INTS6: variants seen among roughly 807,000 people sequenced by gnomAD.
INTS6 encodes DEAD box protein.
INTS6 carries 16 observed loss-of-function variants against 104.9 expected under a neutral mutation model. That is an observed-to-expected ratio of 0.15 (90% confidence interval 0.10 to 0.23). The LOEUF is 0.23. Ranked by LOEUF, INTS6 falls within the 10% of genes least tolerant of loss-of-function variation. INTS6 has a pLI of 1.00. For synonymous variants in INTS6, 324 were observed against 358.7 expected (o/e 0.90, Z 1.09); for missense variants, 584 against 1,062.8 (o/e 0.55, Z 6.26).
intron 4 of INTS6, among the ~76,000 whole-genome samples, chr13:51,428,135 A>G (rs1014347991): frequency 4.6e-5 from 7 of 152,192 alleles, no homozygotes; most frequent in Admixed American, 3.3e-4. Context: ...CACCTCGCAC[A>G]TAAGAATACT....
At chr13:51,414,572 A>G (rs1380554478) in intron 4 of INTS6, among the ~76,000 whole-genome samples, 1 of 152,176 alleles carries the variant, frequency 6.6e-6, no homozygotes, top group Non-Finnish European at 1.5e-5. Flanking sequence ...GTCCAACTCT[A>G]GTCCCAATTA....
intron 9 of INTS6, 31 bp downstream of exon 9, chr13:51,383,298 A>C: frequency 1.3e-6 from 2 of 1,571,180 alleles, no homozygotes; most frequent in Non-Finnish European, 8.6e-7. Context: ...TTATATGCTA[A>C]GCCAAGGAGA....
the INTS6 span, chr13:51,347,327 C>G: frequency 9.1e-7 from 1 of 1,100,010 alleles, no homozygotes; most frequent in Admixed American, 2.0e-5. Context: ...CCTAAGGGAT[C>G]GGGATGTGTT....
chr13:51,449,509 T>C, intron 3 of INTS6: 1 of 985,264 alleles, frequency 1.0e-6, no homozygotes, highest in South Asian at 4.7e-5. Flanking sequence ...TAATAGGTAA[T>C]AGGAGGTGAA....
rs1315807835 is a variant in INTS6, at chr13:51,363,163, T to C, written c.*2589A>G. 6.6e-6 allele frequency: 1 copy of C among 151,940 alleles called. No individual in the cohort carries two copies. The highest frequency in any genetic ancestry group is 1.5e-5 in the Non-Finnish European group (1 of 67,888). 9.4% of individuals were successfully genotyped at this position (151,940 alleles called of 1,614,324 possible). On this transcript the variant is annotated 3_prime_UTR_variant, in exon 18 of 18. Transcript: ENST00000311234. ...TTGATAGGTAAAAGAGAGATTCTGA[T>C]TTTGGAATTCAAGTGCATAAAAATG...
chr13:51,344,358 GCCAC>G, the INTS6 span: 1 of 1,613,700 alleles, frequency 6.2e-7, no homozygotes, highest in Non-Finnish European at 8.5e-7. Context: ...AAGTGGGAAC[GCCAC>G]TGTCCCCCTG....
intron 3 of INTS6, chr13:51,439,709 T>C (rs1284868182): frequency 6.6e-6 from 1 of 152,160 alleles, no homozygotes; most frequent in Non-Finnish European, 1.5e-5. Context: ...CTCAAAGAAG[T>C]TTAAAACCTT....
intron 4 of INTS6, among the ~76,000 whole-genome samples, chr13:51,412,550 A>G (rs1956707118): frequency 6.6e-6 from 1 of 152,174 alleles, no homozygotes; most frequent in African/African-American, 2.4e-5. Flanking sequence ...GAGGCTCACA[A>G]GCGCACACGT....
At chr13:51,424,199 G>A (rs1956946138) in intron 4 of INTS6, among the ~76,000 whole-genome samples, 1 of 151,910 alleles carries the variant, frequency 6.6e-6, no homozygotes, top group Admixed American at 6.6e-5. Context: ...GGGTGAAATT[G>A]CTTCACCCTC....
At chr13:51,381,687 T>A (rs963312133) in intron 10 of INTS6, among the ~76,000 whole-genome samples, 2 of 142,570 alleles carry the variant, frequency 1.4e-5, no homozygotes, top group Non-Finnish European at 3.0e-5. Flanking sequence ...CATAATATAA[T>A]TAACAAGTTT....
At chr13:51,434,244 T>C (rs1412855007) in intron 3 of INTS6, among the ~76,000 whole-genome samples, 1 of 152,208 alleles carries the variant, frequency 6.6e-6, no homozygotes, top group Non-Finnish European at 1.5e-5. Context: ...ATTAATTTCT[T>C]GATGTATAAA....
chr13:51,441,582 G>GA (rs1952797493), intron 3 of INTS6: 1 of 151,970 alleles, frequency 6.6e-6, no homozygotes, highest in Non-Finnish European at 1.5e-5. Flanking sequence ...AACTCTCCAG[G>GA]AAAAAAGTTA....
At chr13:51,344,687 C>T in the INTS6 span, among the ~76,000 whole-genome samples, 1 of 151,956 alleles carries the variant, frequency 6.6e-6, no homozygotes, top group Non-Finnish European at 1.5e-5. Flanking sequence ...CCCTCTCCCA[C>T]ACAAATATAC....
Position 51,369,221 on chromosome 13 carries a change from T to C in INTS6, c.2194A>G (p.Met732Val), listed in dbSNP as rs374309163. Residue 732 changes from methionine to valine, a missense_variant, in exon 16 of 18, where the codon ATG (methionine) becomes GTG (valine). Transcript: ENST00000311234. ...GAAGATGCTGAAAATTCCGTATCCA[T>C]AGCATTTGGTGTAATGTCTGATGAA... is the stretch of plus-strand genomic sequence containing the variant. Reference protein sequence around the residue: ...QLSSDITPNAMDTEFSASSPA... With the variant: ...QLSSDITPNAVDTEFSASSPA... The C allele has an allele frequency of 1.6e-5, 26 of 1,613,696 alleles. No individual in the cohort carries two copies. Among genetic ancestry groups the C allele is most frequent in the South Asian group, 4.4e-5 (4 of 91,090 alleles).
chr13:51,335,310 C>G, the INTS6 span, among the ~76,000 whole-genome samples: 3 of 152,088 alleles, frequency 2.0e-5, no homozygotes, highest in African/African-American at 7.2e-5. Flanking sequence ...AAGAAAACAA[C>G]AACCACAATA....
Position 51,452,744 on chromosome 13 carries a change from C to G in INTS6, c.-219G>C. ...AGTGCTCCCCGTCGTACCCCCGCCT[C>G]CGCCTCCTCCTGCCTGCCTGCCCGC... is the stretch of plus-strand genomic sequence containing the variant. On this transcript the variant is annotated 5_prime_UTR_variant, in exon 1 of 18. Coordinates refer to ENST00000311234, the MANE Select transcript of INTS6 (RefSeq NM_012141.3). This position sits in a 1 kb window ranked among gnomAD's most constrained non-coding sequence, Gnocchi z 4.2. 8.1e-7 allele frequency: 1 copy of G among 1,238,946 alleles called. No homozygotes were observed. The highest frequency in any genetic ancestry group is 1.0e-6 in the Non-Finnish European group (1 of 986,368). The allele number at this position is 1,238,946 out of a possible 1,614,324, so 76.7% of individuals were successfully genotyped here. A position where few individuals can be genotyped will look rare whatever the true frequency, so the allele number is the denominator to read the frequency against.
the INTS6 span, among the ~76,000 whole-genome samples, chr13:51,336,412 G>A: frequency 1.3e-5 from 2 of 152,072 alleles, no homozygotes; most frequent in Admixed American, 6.5e-5. Context: ...GCTTGAACCC[G>A]GGAGGCAGAG....
chr13:51,448,361 C>T (rs185367770), intron 3 of INTS6: 1 of 152,266 alleles, frequency 6.6e-6, no homozygotes, highest in East Asian at 1.9e-4. Flanking sequence ...GTAGAAATAT[C>T]AGTAAATGGT....
At chr13:51,376,260 G>T in intron 12 of INTS6, 86 bp from the exon 13 acceptor site, 1 of 1,046,584 alleles carries the variant, frequency 9.6e-7, no homozygotes, top group East Asian at 2.7e-5. Flanking sequence ...CATAGGTTTG[G>T]AAATAAGATA....
Sources: allele counts gnomAD v4.1 joint callset (sites outside exome capture counted in the v4.1 genomes callset), GRCh38; gene constraint gnomAD v4.1.1; non-coding constraint Gnocchi (gnomAD v3.1); transcripts MANE v1.5; gene names NCBI Gene and HGNC (gene_info 2026-07-23, HGNC 2026-07-21).